The following CHST9 variants were observed in gnomAD, a reference collection of about 807,000 sequenced individuals.
The protein encoded by CHST9 is GalNAc-4-sulfotransferase 2.
In CHST9, 41 loss-of-function variants were observed where a neutral mutation model predicts 44.4. The observed-to-expected ratio is 0.92, with a 90% CI of 0.72 to 1.20. CHST9 has a LOEUF of 1.20. CHST9 is among the 50% of genes most tolerant of loss of function. The probability of loss-of-function intolerance (pLI) is 0.00; values close to 1 mark genes in which losing one functional copy is unlikely to be tolerated. For synonymous variants in CHST9, 171 were observed against 178.4 expected (o/e 0.96, Z 0.33); for missense variants, 504 against 516.5 (o/e 0.98, Z 0.23).
intron 4 of CHST9, among the ~76,000 whole-genome samples, chr18:26,978,190 A>G (rs2056647447): frequency 6.6e-6 from 1 of 151,672 alleles, no homozygotes. Flanking sequence ...ATTTTATTTA[A>G]TTAGAAATCT....
intron 3 of CHST9, among the ~76,000 whole-genome samples, chr18:27,039,008 C>T (rs535007202): frequency 6.6e-6 from 1 of 151,924 alleles, no homozygotes; most frequent in African/African-American, 2.4e-5. Context: ...TATTGCTGAT[C>T]CAGAAGAAAG....
chr18:26,993,758 TG>T (rs1568124683), intron 4 of CHST9, among the ~76,000 whole-genome samples: 1 of 152,256 alleles, frequency 6.6e-6, no homozygotes, highest in Non-Finnish European at 1.5e-5. Context: ...TATGGCCATT[TG>T]GAAACTGTGA....
intron 2 of CHST9, among the ~76,000 whole-genome samples, chr18:27,054,241 A>C (rs2057624911): frequency 1.3e-5 from 2 of 152,212 alleles, no homozygotes. Context: ...CAACCAAGAA[A>C]ACTATTATAT....
At chr18:27,135,787 CACTGATCTA>C (rs1336000474) in intron 2 of CHST9, among the ~76,000 whole-genome samples, 1 of 151,832 alleles carries the variant, frequency 6.6e-6, no homozygotes, top group Non-Finnish European at 1.5e-5. Flanking sequence ...TGGTGAGAAC[CACTGATCTA>C]ACTGCTTTTC....
At chr18:26,982,313 ATTTAT>A (rs1302841014) in intron 4 of CHST9, among the ~76,000 whole-genome samples, 1 of 151,262 alleles carries the variant, frequency 6.6e-6, no homozygotes, top group African/African-American at 2.4e-5. Context: ...TTGTGGATAA[ATTTAT>A]CAAAGCTAAA....
chr18:27,112,316 G>T (rs557144257), intron 2 of CHST9, among the ~76,000 whole-genome samples: 88 of 151,128 alleles, frequency 5.8e-4, no homozygotes, highest in African/African-American at 2.1e-3. Flanking sequence ...TTGGATTGTG[G>T]AATATCTGCA....
At chr18:26,956,378 A>G (rs1346479544) in intron 4 of CHST9, among the ~76,000 whole-genome samples, 1 of 147,090 alleles carries the variant, frequency 6.8e-6, no homozygotes, top group African/African-American at 2.5e-5. Context: ...ACAAATATAC[A>G]TATATCATAT....
chr18:27,161,158 G>C (rs1033453072), intron 1 of CHST9, among the ~76,000 whole-genome samples: 2 of 152,020 alleles, frequency 1.3e-5, no homozygotes, highest in Admixed American at 1.3e-4. Flanking sequence ...GCTAGCTTTT[G>C]AATGTGTTTG....
chr18:27,046,249 T>C (rs562044634), intron 3 of CHST9, among the ~76,000 whole-genome samples: 5 of 152,180 alleles, frequency 3.3e-5, no homozygotes, highest in Admixed American at 2.6e-4. Context: ...GTTACTTCTG[T>C]GTAGCTTTCA....
chr18:26,988,357 T>C (rs1474178333), intron 4 of CHST9, among the ~76,000 whole-genome samples: 3 of 152,196 alleles, frequency 2.0e-5, no homozygotes, highest in Non-Finnish European at 4.4e-5. Flanking sequence ...TGAAAAAAGA[T>C]ATACCATTGT....
intron 4 of CHST9, among the ~76,000 whole-genome samples, chr18:26,980,213 T>C (rs1338683706): frequency 1.3e-5 from 2 of 152,178 alleles, no homozygotes; most frequent in African/African-American, 4.8e-5. Flanking sequence ...GTTATGGTTA[T>C]ATATTTACTT....
intron 2 of CHST9, among the ~76,000 whole-genome samples, chr18:27,077,213 G>A (rs987730504): frequency 3.9e-5 from 6 of 151,990 alleles, no homozygotes; most frequent in Admixed American, 1.3e-4. Flanking sequence ...AGTCAATCAC[G>A]TTGATAGAAG....
At chr18:27,151,058 C>T (rs1038931932) in intron 1 of CHST9, among the ~76,000 whole-genome samples, 20 of 151,996 alleles carry the variant, frequency 1.3e-4, no homozygotes, top group African/African-American at 4.6e-4. Flanking sequence ...TGAGATGGTA[C>T]TCATATAAGT....
chr18:27,035,141 T>C lies in CHST9; in HGVS notation c.161-10984A>G, dbSNP rs141345539. Reference sequence around the variant, plus strand: ...CACCAACAGTGTATTAGGATTCCCTTTTCTCCACATCCTTGCCAACACTTG... The same window carrying C: ...CACCAACAGTGTATTAGGATTCCCTCTTCTCCACATCCTTGCCAACACTTG... On this transcript the variant is annotated intron_variant, in intron 3 of 5. Transcript: ENST00000618847. Among the ~76,000 whole-genome samples, 931 of 152,334 alleles carry C rather than the reference T, an allele frequency of 6.1e-3. 9 individuals are homozygous for C. The highest frequency in any genetic ancestry group is 0.02 in the African/African-American group (817 of 41,586).
chr18:27,053,304 GAGAAGGAGA>G (rs2057609955), intron 2 of CHST9, among the ~76,000 whole-genome samples: 1 of 130,690 alleles, frequency 7.7e-6, no homozygotes, highest in African/African-American at 2.9e-5. Context: ...GAAGGAGAAG[GAGAAGGAGA>G]AGGAGAAGGA....
intron 3 of CHST9, among the ~76,000 whole-genome samples, chr18:27,039,633 T>TA (rs1405322528): frequency 1.3e-5 from 2 of 152,268 alleles, no homozygotes; most frequent in Non-Finnish European, 2.9e-5. Flanking sequence ...TGAACATTTT[T>TA]AACACATAAA....
intron 2 of CHST9, among the ~76,000 whole-genome samples, chr18:27,118,913 CATTA>C (rs145099435): frequency 0.068 from 10,287 of 152,228 alleles, 432 homozygotes; most frequent in East Asian, 0.14. Flanking sequence ...ATAATGAAAT[CATTA>C]ATTATTTCTA....
chr18:27,163,482 G>A (rs888013159), intron 1 of CHST9, among the ~76,000 whole-genome samples: 40 of 152,274 alleles, frequency 2.6e-4, no homozygotes, highest in African/African-American at 8.9e-4. Flanking sequence ...CTTCCTGGCC[G>A]CTTTGTTTAC....
intron 1 of CHST9, among the ~76,000 whole-genome samples, chr18:27,172,978 C>T (rs932846049): frequency 6.6e-6 from 1 of 151,986 alleles, no homozygotes; most frequent in African/African-American, 2.4e-5. Flanking sequence ...ATCATCTTAG[C>T]ACCATGCAAA....
Sources: gnomAD v4.1 joint callset for allele counts (sites outside exome capture counted in the v4.1 genomes callset) on GRCh38, gnomAD v4.1.1 for gene constraint, MANE v1.5 for transcripts, NCBI Gene and HGNC (gene_info 2026-07-23, HGNC 2026-07-21) for gene names.